The following LRRN1 variants were observed in gnomAD, a reference collection of about 807,000 sequenced individuals.
LRRN1 encodes the protein leucine rich repeat neuronal 1.
A neutral mutation model predicts 45.8 loss-of-function variants in LRRN1; 14 were observed. The observed-to-expected ratio is 0.31, with a 90% CI of 0.20 to 0.48. The LOEUF is 0.48. Among genes scored for constraint, LRRN1 ranks in the 20% least tolerant of loss-of-function variants. The pLI, the probability that LRRN1 is intolerant of heterozygous loss-of-function variation, is 0.99. For synonymous variants in LRRN1, 359 were observed against 330.1 expected, an observed-to-expected ratio of 1.09 and a Z score of -0.95; for missense variants, 789 against 874.2, an observed-to-expected ratio of 0.90 and a Z score of 1.23.
intron 1 of LRRN1, among the ~76,000 whole-genome samples, chr3:3,817,248 C>G (rs711578): frequency 6.6e-6 from 1 of 151,896 alleles, no homozygotes; most frequent in African/African-American, 2.4e-5. Flanking sequence ...CATTTTCTTG[C>G]GGCGATTAAA....
chr3:3,803,199 T>C (rs1379676177), intron 1 of LRRN1, among the ~76,000 whole-genome samples: 1 of 152,182 alleles, frequency 6.6e-6, no homozygotes, highest in Non-Finnish European at 1.5e-5. Context: ...CATTACCACA[T>C]ATTCTAAAGC....
intron 1 of LRRN1, among the ~76,000 whole-genome samples, chr3:3,840,666 G>A (rs1693632327): frequency 6.6e-6 from 1 of 152,146 alleles, no homozygotes; most frequent in African/African-American, 2.4e-5. Flanking sequence ...ATGTGGAGAG[G>A]AAATTCTTAT....
At chr3:3,841,313 T>G (rs1693649615) in intron 1 of LRRN1, among the ~76,000 whole-genome samples, 1 of 144,710 alleles carries the variant, frequency 6.9e-6, no homozygotes, top group Admixed American at 7.0e-5. Context: ...AAAAAATTAG[T>G]TGAAATTCTG....
intron 1 of LRRN1, among the ~76,000 whole-genome samples, chr3:3,841,239 C>T (rs1027445052): frequency 2.1e-4 from 30 of 142,814 alleles, no homozygotes; most frequent in African/African-American, 7.3e-4. Context: ...TGCAGTGAGC[C>T]GAGATCGCAC....
At chr3:3,832,938 C>T (rs1693401473) in intron 1 of LRRN1, among the ~76,000 whole-genome samples, 1 of 152,190 alleles carries the variant, frequency 6.6e-6, no homozygotes, top group Non-Finnish European at 1.5e-5. Flanking sequence ...GCTGCTTTGC[C>T]TCTGCTGTCC....
chr3:3,828,659 C>T (rs1215250928), intron 1 of LRRN1, among the ~76,000 whole-genome samples: 1 of 152,106 alleles, frequency 6.6e-6, no homozygotes, highest in Non-Finnish European at 1.5e-5. Context: ...CATAACTATC[C>T]TTCCCACAAC....
At chr3:3,829,746 A>G (rs1203829333) in intron 1 of LRRN1, among the ~76,000 whole-genome samples, 1 of 152,168 alleles carries the variant, frequency 6.6e-6, no homozygotes, top group African/African-American at 2.4e-5. Context: ...GCAATGCTGT[A>G]TGGAATACCA....
intron 1 of LRRN1, among the ~76,000 whole-genome samples, chr3:3,819,284 A>G (rs9834164): frequency 0.84 from 127,915 of 152,152 alleles, 55,300 homozygotes; most frequent in East Asian, 0.95. Context: ...AATGTGCTCA[A>G]CCCAATATTA....
rs60477471 is a variant in LRRN1 at position 3,841,290 on chromosome 3, CA to C, written c.-278-3056del. ...TGGGCGACAGAGCGAGACTTTGTCT[CA>C]AAAAAAAAAAAAAAAAATTAGTTGA... On this transcript the variant is annotated intron_variant, in intron 1 of 1. Coordinates refer to ENST00000319331, the MANE Select transcript of LRRN1 (RefSeq NM_020873.7). Among the ~76,000 whole-genome samples, 600 of 123,184 alleles carry C rather than the reference CA, an allele frequency of 4.9e-3. 8 individuals are homozygous for C. Among genetic ancestry groups the C allele is most frequent in the African/African-American group, 0.017 (540 of 31,798 alleles). 80.8% of individuals were successfully genotyped at this position (123,184 alleles called of 152,430 possible).
chr3:3,833,746 A>G (rs935577697), intron 1 of LRRN1, among the ~76,000 whole-genome samples: 1 of 152,176 alleles, frequency 6.6e-6, no homozygotes, highest in Non-Finnish European at 1.5e-5. Flanking sequence ...CTCCTCAGAC[A>G]AAGGCGGAAA....
chr3:3,802,049 C>A (rs1284520913), intron 1 of LRRN1, among the ~76,000 whole-genome samples: 1 of 152,220 alleles, frequency 6.6e-6, no homozygotes, highest in Non-Finnish European at 1.5e-5. Flanking sequence ...TGTCCACTGT[C>A]TAGCCAAAGT....
At chr3:3,824,506 A>G (rs1872419) in intron 1 of LRRN1, among the ~76,000 whole-genome samples, 5,248 of 148,638 alleles carry the variant, frequency 0.035, 313 homozygotes, top group African/African-American at 0.12. Context: ...TGTTAAAAAA[A>G]AAATCAGTGA....
At chr3:3,836,067 C>T (rs925070675) in intron 1 of LRRN1, among the ~76,000 whole-genome samples, 1 of 138,820 alleles carries the variant, frequency 7.2e-6, no homozygotes, top group African/African-American at 2.6e-5. Flanking sequence ...AGTCAGTCAG[C>T]CCTAGAAGAA....
At chr3:3,827,444 T>A in intron 1 of LRRN1, 1 of 456,708 alleles carries the variant, frequency 2.2e-6, no homozygotes, top group South Asian at 1.5e-5. Context: ...GGAGTCTGGG[T>A]CCATCTTGCC....
At position 3,845,954 on chromosome 3, in the gene LRRN1, A is replaced by G. The variant is rs1693766487; in HGVS notation, c.1313A>G (p.Asp438Gly). The G allele has an allele frequency of 6.2e-7, 1 of 1,614,082 alleles. No individual in the cohort carries two copies. Among genetic ancestry groups the G allele is most frequent in the South Asian group, 1.1e-5 (1 of 91,080 alleles). Residue 438 changes from aspartate (D) to glycine (G), a missense_variant, in exon 2 of 2, where the codon GAT (aspartate) becomes GGT (glycine). Asp to Gly is a moderately conservative substitution (Grantham distance 94, BLOSUM62 -1). Transcript: ENST00000319331. This position sits in a 1 kb window ranked among gnomAD's most constrained non-coding sequence, Gnocchi z 6.5. Reference protein sequence around the residue: ...HDSFPNRLNVDIGTTVFLDCR... With the variant: ...HDSFPNRLNVGIGTTVFLDCR... ...AGCTTCCCAAATCGTTTAAACGTGGATATCGGCACGACGGTTTTCCTAGAC... is the reference window on the plus strand; with the variant it reads ...AGCTTCCCAAATCGTTTAAACGTGGGTATCGGCACGACGGTTTTCCTAGAC...
Position 3,849,477 on chromosome 3 carries a change from A to C in LRRN1, c.*2685A>C, listed in dbSNP as rs1693851246. The stretch of plus-strand genomic sequence containing the variant: ...TTTTCTCATTTGTATTTAATTTCAT[A>C]AATTAGACAGCCAGTGAAATTAGAC... On this transcript the variant is annotated 3_prime_UTR_variant, in exon 2 of 2. Transcript: ENST00000319331. Among the ~76,000 whole-genome samples, 2 of 151,974 alleles carry C rather than the reference A, an allele frequency of 1.3e-5. No homozygotes were observed. The highest frequency in any genetic ancestry group is 2.9e-5 in the Non-Finnish European group (2 of 68,032).
intron 1 of LRRN1, among the ~76,000 whole-genome samples, chr3:3,820,546 TC>T (rs1174824233): frequency 3.9e-5 from 6 of 152,324 alleles, no homozygotes; most frequent in African/African-American, 1.4e-4. Context: ...AAAGAGGAGA[TC>T]TATTCTGATG....
chr3:3,820,478 C>A (rs1435485462), intron 1 of LRRN1, among the ~76,000 whole-genome samples: 4 of 152,182 alleles, frequency 2.6e-5, no homozygotes, highest in Non-Finnish European at 4.4e-5. Flanking sequence ...ATGTAAACCG[C>A]TCTTCATTTA....
At chr3:3,830,092 C>G (rs763958564) in intron 1 of LRRN1, among the ~76,000 whole-genome samples, 2 of 152,282 alleles carry the variant, frequency 1.3e-5, no homozygotes, top group African/African-American at 2.4e-5. Context: ...TGTTCATGGA[C>G]TCTTTGAGCA....
Sources: gnomAD v4.1 joint callset for allele counts (sites outside exome capture counted in the v4.1 genomes callset) on GRCh38, gnomAD v4.1.1 for gene constraint, Gnocchi (gnomAD v3.1) non-coding constraint, MANE v1.5 for transcripts, NCBI Gene and HGNC (gene_info 2026-07-23, HGNC 2026-07-21) for gene names.